Variants in SORCS2 observed in about 807,000 individuals in gnomAD.
SORCS2 encodes sortilin related VPS10 domain containing receptor 2, also known as VPS10 domain-containing receptor SorCS2.
Under a neutral mutation model 141.6 loss-of-function variants are expected in SORCS2, and 100 were observed. The ratio of observed to expected loss-of-function variants is 0.71; its 90% CI spans 0.60 to 0.83. SORCS2 has a LOEUF of 0.83. Among genes scored for constraint, SORCS2 ranks in the 40% least tolerant of loss-of-function variants. The pLI is 0.00. For synonymous variants in SORCS2, 789 were observed against 676.9 expected (o/e 1.17, Z -2.57); for missense variants, 1,646 against 1,560.2 (o/e 1.05, Z -0.93).
chr4:7,662,887 G>T (rs1722265832), intron 6 of SORCS2, among the ~76,000 whole-genome samples: 1 of 152,238 alleles, frequency 6.6e-6, no homozygotes, highest in African/African-American at 2.4e-5. Context: ...TGTTGTGTTG[G>T]CTCCAGGCCT....
At chr4:7,319,961 G>A (rs1202400185) in intron 1 of SORCS2, among the ~76,000 whole-genome samples, 1 of 152,150 alleles carries the variant, frequency 6.6e-6, no homozygotes, top group East Asian at 1.9e-4. Flanking sequence ...AGATGGTTGA[G>A]TTGGTGGTGT....
At chr4:7,370,035 G>A (rs1252990022) in intron 1 of SORCS2, among the ~76,000 whole-genome samples, 1 of 152,240 alleles carries the variant, frequency 6.6e-6, no homozygotes, top group African/African-American at 2.4e-5. Context: ...AAGCAGCCAC[G>A]TGAGTGCTGG....
chr4:7,293,500 T>A (rs1204284544), intron 1 of SORCS2, among the ~76,000 whole-genome samples: 1 of 152,188 alleles, frequency 6.6e-6, no homozygotes, highest in Non-Finnish European at 1.5e-5. Context: ...TGCTGTTGGT[T>A]ATTTTTGGCT....
At chr4:7,239,287 C>A (rs960397523) in intron 1 of SORCS2, among the ~76,000 whole-genome samples, 17 of 152,254 alleles carry the variant, frequency 1.1e-4, no homozygotes, top group African/African-American at 4.1e-4. Context: ...AAGGCTGGGG[C>A]CCAGCACCGA....
intron 3 of SORCS2, among the ~76,000 whole-genome samples, chr4:7,619,873 C>T (rs1167720117): frequency 6.6e-6 from 1 of 152,158 alleles, no homozygotes; most frequent in East Asian, 1.9e-4. Flanking sequence ...CGTGAAACGC[C>T]AGGATGTTGC....
chr4:7,724,136 G>GTGA (rs1553808145), intron 19 of SORCS2, among the ~76,000 whole-genome samples: 32 of 127,676 alleles, frequency 2.5e-4, no homozygotes, highest in African/African-American at 3.4e-4. Flanking sequence ...GGTGGTGGTG[G>GTGA]TGGTGATGGT....
At chr4:7,349,909 G>T (rs1046471062) in intron 1 of SORCS2, among the ~76,000 whole-genome samples, 1 of 152,152 alleles carries the variant, frequency 6.6e-6, no homozygotes, top group East Asian at 1.9e-4. Context: ...TTGGTGTTCC[G>T]AGCAGACGCT....
intron 2 of SORCS2, among the ~76,000 whole-genome samples, chr4:7,417,185 G>A (rs1725757428): frequency 6.6e-6 from 1 of 152,222 alleles, no homozygotes; most frequent in Non-Finnish European, 1.5e-5. Flanking sequence ...AGGGCAAGCA[G>A]CATCTGGGAT....
In SORCS2 at chr4:7,522,018, C is replaced by T. The variant is rs35188011; in HGVS notation, c.549-9512C>T. Reference sequence around the variant, plus strand: ...CCTGCCCACCACTCTGTTCCTGCTTCGTGCATGTTCTACACACACCTCTGG... The same window carrying T: ...CCTGCCCACCACTCTGTTCCTGCTTTGTGCATGTTCTACACACACCTCTGG... On this transcript the variant is annotated intron_variant, in intron 2 of 26. Coordinates refer to ENST00000507866, the MANE Select transcript of SORCS2 (RefSeq NM_020777.3). 4.8e-3 allele frequency among the ~76,000 whole-genome samples: 726 copies of T among 152,356 alleles called. 1 individual carries two copies. The highest frequency in any genetic ancestry group is 6.9e-3 in the Non-Finnish European group (470 of 68,038).
intron 1 of SORCS2, among the ~76,000 whole-genome samples, chr4:7,284,491 C>G (rs538572935): frequency 6.6e-6 from 1 of 152,356 alleles, no homozygotes; most frequent in African/African-American, 2.4e-5. Context: ...CCAGGACTTT[C>G]TCGCTGTGCA....
chr4:7,309,165 T>C (rs970401497), intron 1 of SORCS2, among the ~76,000 whole-genome samples: 13 of 152,198 alleles, frequency 8.5e-5, no homozygotes, highest in Non-Finnish European at 1.6e-4. Context: ...CTGGCACTTC[T>C]GTGGCACCTC....
chr4:7,676,152 G>T lies in SORCS2; in HGVS notation c.1264G>T (p.Val422Leu), dbSNP rs770519056. ...YNLYQSDPRG[V>L]RYALVLQDVR... ...CCTGTACCAGTCGGACCCACGGGGC[G>T]TGCGCTACGCGCTGGTGCTGCAGGA... The change falls in exon 9 of 27, where the codon GTG becomes TTG. Residue 422 changes from valine (V) to leucine (L), a missense_variant. Coordinates refer to ENST00000507866, the MANE Select transcript of SORCS2 (RefSeq NM_020777.3). The T allele has an allele frequency of 1.3e-5, 20 of 1,564,990 alleles. No homozygotes were observed. In the East Asian group the frequency reaches 3.8e-4, roughly 30 times the overall value.
chr4:7,693,774 C>A (rs1190022877), intron 11 of SORCS2, among the ~76,000 whole-genome samples: 1 of 152,252 alleles, frequency 6.6e-6, no homozygotes, highest in Admixed American at 6.5e-5. Context: ...GCAGGCCCAG[C>A]CCTCCCTAGC....
chr4:7,341,955 G>A (rs1021242464), intron 1 of SORCS2, among the ~76,000 whole-genome samples: 1 of 152,160 alleles, frequency 6.6e-6, no homozygotes, highest in Admixed American at 6.5e-5. Flanking sequence ...ATATGATGTG[G>A]TCTTTTGCTT....
At chr4:7,197,599 A>G (rs1727245972) in intron 1 of SORCS2, among the ~76,000 whole-genome samples, 1 of 152,218 alleles carries the variant, frequency 6.6e-6, no homozygotes, top group Admixed American at 6.5e-5. Context: ...CCAGAAAACA[A>G]CATTCCAACT....
intron 3 of SORCS2, among the ~76,000 whole-genome samples, chr4:7,544,648 G>T (rs1713104106): frequency 6.6e-6 from 1 of 152,258 alleles, no homozygotes; most frequent in South Asian, 2.1e-4. Context: ...TCTCTGTTCA[G>T]CTCAGCACAA....
chr4:7,456,782 G>C (rs1260770477), intron 2 of SORCS2, among the ~76,000 whole-genome samples: 1 of 152,144 alleles, frequency 6.6e-6, no homozygotes, highest in African/African-American at 2.4e-5. Context: ...AGGGGTAGGG[G>C]GGTGGAGGGT....
At chr4:7,496,964 A>G (rs1731669240) in intron 2 of SORCS2, among the ~76,000 whole-genome samples, 1 of 152,216 alleles carries the variant, frequency 6.6e-6, no homozygotes, top group African/African-American at 2.4e-5. Context: ...ATTGCCTGGC[A>G]TGTAGGAGGG....
chr4:7,697,261 A>T lies in SORCS2; in HGVS notation c.1655A>T (p.His552Leu). The T allele has an allele frequency of 8.2e-6, 13 of 1,588,432 alleles. No individual in the cohort carries two copies. Among genetic ancestry groups the T allele is most frequent in the Non-Finnish European group, 1.1e-5 (13 of 1,167,788 alleles). The change falls in exon 12 of 27, where the codon CAC (histidine) becomes CTC (leucine). Residue 552 changes from histidine to leucine, a missense_variant. Coordinates refer to ENST00000507866, the MANE Select transcript of SORCS2 (RefSeq NM_020777.3). The stretch of plus-strand genomic sequence containing the variant: ...ATGTACATCACGTCAGACTGTGGTC[A>T]CACCTGGCGGCAGGTAAGCTGGCTG... ...EEMYITSDCG[H>L]TWRQVFEEEH...
Sources: allele counts gnomAD v4.1 joint callset (sites outside exome capture counted in the v4.1 genomes callset), GRCh38; gene constraint gnomAD v4.1.1; transcripts MANE v1.5; gene names NCBI Gene and HGNC (gene_info 2026-07-23, HGNC 2026-07-21).